Variants in FBXL7 observed in about 807,000 individuals in gnomAD.
The protein encoded by FBXL7 is F-box/LRR-repeat protein 7.
A neutral mutation model predicts 38.3 loss-of-function variants in FBXL7; 12 were observed. The ratio of observed to expected loss-of-function variants is 0.31; its 90% CI spans 0.20 to 0.51. FBXL7 has a LOEUF of 0.51. FBXL7 is among the 20% of genes least tolerant of loss of function. The pLI is 0.98. For missense variants in FBXL7, 567 were observed against 676.4 expected (o/e 0.84, Z 1.79); for synonymous variants, 297 against 300.9 (o/e 0.99, Z 0.13).
chr5:15,616,374 G>A (rs566747703), intron 2 of FBXL7, among the ~76,000 whole-genome samples: 11 of 152,088 alleles, frequency 7.2e-5, no homozygotes, highest in Non-Finnish European at 8.8e-5. Flanking sequence ...TTGTCTTTCC[G>A]TATAAAAAAT....
chr5:15,836,372 G>A (rs556275721), intron 2 of FBXL7, among the ~76,000 whole-genome samples: 1 of 152,274 alleles, frequency 6.6e-6, no homozygotes, highest in African/African-American at 2.4e-5. Flanking sequence ...GAAAGGTGAT[G>A]AGAGCTATAC....
chr5:15,879,703 C>T (rs1740360396), intron 2 of FBXL7, among the ~76,000 whole-genome samples: 1 of 152,150 alleles, frequency 6.6e-6, no homozygotes, highest in Non-Finnish European at 1.5e-5. Context: ...CCATCTTCAG[C>T]TCGATTTCAG....
intron 1 of FBXL7, among the ~76,000 whole-genome samples, chr5:15,517,024 T>C (rs1247186293): frequency 6.6e-6 from 1 of 151,868 alleles, no homozygotes; most frequent in African/African-American, 2.4e-5. Context: ...TTTTTATTTT[T>C]ATTTTTTATT....
At chr5:15,760,154 C>G (rs778403923) in intron 2 of FBXL7, among the ~76,000 whole-genome samples, 4 of 151,964 alleles carry the variant, frequency 2.6e-5, no homozygotes, top group Non-Finnish European at 5.9e-5. Context: ...GGAGAAGCCT[C>G]CAGCCCCCTA....
intron 1 of FBXL7, among the ~76,000 whole-genome samples, chr5:15,555,208 A>C (rs1738194932): frequency 6.6e-6 from 1 of 152,250 alleles, no homozygotes; most frequent in Admixed American, 6.5e-5. Flanking sequence ...ACAGACAGAC[A>C]GACAGACACA....
At chr5:15,788,882 T>C (rs1737201331) in intron 2 of FBXL7, among the ~76,000 whole-genome samples, 1 of 151,166 alleles carries the variant, frequency 6.6e-6, no homozygotes, top group Non-Finnish European at 1.5e-5. Context: ...GAAGGAGTCT[T>C]GCTCTGTCGC....
chr5:15,637,144 A>C (rs1471088201), intron 2 of FBXL7, among the ~76,000 whole-genome samples: 2 of 152,218 alleles, frequency 1.3e-5, no homozygotes, highest in Admixed American at 1.3e-4. Context: ...AAGTTAGAAA[A>C]AATAATGATA....
chr5:15,824,098 C>G (rs564586963), intron 2 of FBXL7, among the ~76,000 whole-genome samples: 1 of 151,660 alleles, frequency 6.6e-6, no homozygotes, highest in Non-Finnish European at 1.5e-5. Flanking sequence ...ACCAACGAGA[C>G]CAGCCTGACC....
At chr5:15,619,615 C>T (rs1049104952) in intron 2 of FBXL7, among the ~76,000 whole-genome samples, 2 of 152,134 alleles carry the variant, frequency 1.3e-5, no homozygotes, top group Admixed American at 1.3e-4. Context: ...GATTTTTTCA[C>T]CTCTGAATTC....
At chr5:15,580,911 C>G in intron 1 of FBXL7, 1 of 754,734 alleles carries the variant, frequency 1.3e-6, no homozygotes, top group Admixed American at 6.2e-5. Context: ...CTGTGATCCA[C>G]TCTTAGCTAG....
At chr5:15,822,209 A>T (rs2126765116) in intron 2 of FBXL7, among the ~76,000 whole-genome samples, 1 of 151,898 alleles carries the variant, frequency 6.6e-6, no homozygotes, top group Middle Eastern at 3.4e-3. Context: ...AAAAAAAAAA[A>T]AAATAGGCTG....
At position 15,742,267 on chromosome 5, in the gene FBXL7, A is replaced by G. The variant is rs745807440; in HGVS notation, c.127+126195A>G. On this transcript the variant is annotated intron_variant, in intron 2 of 3. Coordinates refer to ENST00000504595, the MANE Select transcript of FBXL7 (RefSeq NM_012304.5). ...GAATAATATATCCTAATTTTGAAGC[A>G]GTTCAGACATTTTAAAATATAGAGT... 1.6e-4 allele frequency among the ~76,000 whole-genome samples: 24 copies of G among 152,210 alleles called. 1 individual carries two copies. Among genetic ancestry groups the G allele is most frequent in the South Asian group, 6.2e-4 (3 of 4,836 alleles).
chr5:15,753,742 G>A (rs949298830), intron 2 of FBXL7, among the ~76,000 whole-genome samples: 6 of 152,176 alleles, frequency 3.9e-5, no homozygotes, highest in Non-Finnish European at 8.8e-5. Context: ...GCTGTCTGCA[G>A]GGGAAGTAAA....
At chr5:15,701,969 T>C (rs1445404274) in intron 2 of FBXL7, among the ~76,000 whole-genome samples, 1 of 152,190 alleles carries the variant, frequency 6.6e-6, no homozygotes, top group East Asian at 1.9e-4. Context: ...CCAGGTGCGG[T>C]GGTTCACGCC....
intron 2 of FBXL7, among the ~76,000 whole-genome samples, chr5:15,775,138 G>T (rs1428037862): frequency 1.3e-5 from 2 of 152,180 alleles, no homozygotes; most frequent in South Asian, 2.1e-4. Flanking sequence ...GGAAATGTGT[G>T]CATTGAACAG....
chr5:15,886,265 A>G (rs1209339006), intron 2 of FBXL7, among the ~76,000 whole-genome samples: 3 of 151,924 alleles, frequency 2.0e-5, no homozygotes, highest in Non-Finnish European at 4.4e-5. Context: ...GTGTGTGTGC[A>G]TGAATGCATG....
rs550968058 is a variant in FBXL7 at position 15,744,594 on chromosome 5, C to T, written c.127+128522C>T. On this transcript the variant is annotated intron_variant, in intron 2 of 3. Transcript: ENST00000504595. The stretch of plus-strand genomic sequence containing the variant: ...CACACTTTCCTGTCTTCTTCTGAGC[C>T]CTCCAAATGGTTCTAAGCTCTGCCT... 2.0e-5 allele frequency among the ~76,000 whole-genome samples: 3 copies of T among 152,314 alleles called. No homozygotes were observed. In the East Asian group the frequency reaches 5.8e-4, roughly 29 times the overall value.
chr5:15,637,763 C>T (rs1293464864), intron 2 of FBXL7, among the ~76,000 whole-genome samples: 1 of 152,152 alleles, frequency 6.6e-6, no homozygotes, highest in Non-Finnish European at 1.5e-5. Flanking sequence ...GTTAAAAGTG[C>T]CTTTTACTAA....
At chr5:15,594,407 G>A (rs909446981) in intron 1 of FBXL7, among the ~76,000 whole-genome samples, 1 of 152,202 alleles carries the variant, frequency 6.6e-6, no homozygotes, top group Non-Finnish European at 1.5e-5. Context: ...CTTTGAAATG[G>A]TGTTTCCATT....
Sources: gnomAD v4.1 joint callset for allele counts (sites outside exome capture counted in the v4.1 genomes callset) on GRCh38, gnomAD v4.1.1 for gene constraint, MANE v1.5 for transcripts, NCBI Gene and HGNC (gene_info 2026-07-23, HGNC 2026-07-21) for gene names.